The following NLGN1 variants were observed in gnomAD, a reference collection of about 807,000 sequenced individuals.
NLGN1 encodes neuroligin-1.
In NLGN1, 12 loss-of-function variants were observed where a neutral mutation model predicts 65.5. The ratio of observed to expected loss-of-function variants is 0.18; its 90% confidence interval spans 0.12 to 0.30. The LOEUF (loss-of-function observed/expected upper bound fraction) is 0.30, where lower values mean the gene tolerates loss of function less well. Ranked by LOEUF, NLGN1 falls within the 10% of genes least tolerant of loss-of-function variation. NLGN1 has a pLI of 1.00. For missense variants in NLGN1, 750 were observed against 1,007.1 expected, an observed-to-expected ratio of 0.74 and a Z score of 3.46; for synonymous variants, 350 against 359.5, an observed-to-expected ratio of 0.97 and a Z score of 0.30.
At chr3:174,152,942 C>A (rs893602446) in intron 4 of NLGN1, among the ~76,000 whole-genome samples, 5 of 152,090 alleles carry the variant, frequency 3.3e-5, no homozygotes, top group Non-Finnish European at 7.4e-5. Flanking sequence ...TCTTTACTAT[C>A]TTTTCATGCA....
chr3:173,878,994 A>T (rs1038065086), intron 4 of NLGN1, among the ~76,000 whole-genome samples: 5 of 152,052 alleles, frequency 3.3e-5, no homozygotes, highest in Non-Finnish European at 7.4e-5. Flanking sequence ...GCACTTTGGG[A>T]GGCCATAGCA....
chr3:174,026,300 AT>A (rs1728816268), intron 4 of NLGN1, among the ~76,000 whole-genome samples: 1 of 151,848 alleles, frequency 6.6e-6, no homozygotes, highest in South Asian at 2.1e-4. Context: ...TAATTTTTGT[AT>A]TTTTTGTAGA....
Position 173,929,097 on chromosome 3 carries a change from A to G in NLGN1, c.646+121265A>G, listed in dbSNP as rs182020955. ...TTAGTGAAATAGGTTCTATGTATCC[A>G]ATCCAAAGGTCTTATATCAACTGGA... On this transcript the variant is annotated intron_variant, in intron 4 of 6. Transcript: ENST00000457714. 1.4e-4 allele frequency among the ~76,000 whole-genome samples: 21 copies of G among 152,318 alleles called. No individual in the cohort carries two copies. In the East Asian group the frequency reaches 3.9e-3, roughly 28 times the overall value.
intron 4 of NLGN1, among the ~76,000 whole-genome samples, chr3:174,090,387 C>T (rs1392524374): frequency 2.0e-5 from 3 of 151,964 alleles, no homozygotes; most frequent in South Asian, 2.1e-4. Flanking sequence ...GCAGGAGAGT[C>T]GCTTGAACCT....
intron 4 of NLGN1, among the ~76,000 whole-genome samples, chr3:174,014,582 A>C (rs1366928203): frequency 6.6e-6 from 1 of 152,314 alleles, no homozygotes; most frequent in South Asian, 2.1e-4. Flanking sequence ...CACTCTTTGC[A>C]TGTATCTCAT....
intron 4 of NLGN1, among the ~76,000 whole-genome samples, chr3:173,825,574 T>C (rs746285402): frequency 3.6e-4 from 55 of 152,080 alleles, no homozygotes; most frequent in Non-Finnish European, 6.8e-4. Flanking sequence ...CATTGTGTTC[T>C]CCAAAGCTCA....
intron 4 of NLGN1, among the ~76,000 whole-genome samples, chr3:174,034,663 A>G (rs1210947486): frequency 8.5e-5 from 13 of 152,096 alleles, no homozygotes; most frequent in Admixed American, 8.5e-4. Flanking sequence ...TAAGCTAAAC[A>G]CTAATTTTTT....
chr3:173,934,118 T>C (rs1381500362), intron 4 of NLGN1, among the ~76,000 whole-genome samples: 1 of 151,456 alleles, frequency 6.6e-6, no homozygotes, highest in East Asian at 1.9e-4. Context: ...AATAACTACA[T>C]GTAAATGAAC....
intron 1 of NLGN1, among the ~76,000 whole-genome samples, chr3:173,404,356 G>A (rs962950882): frequency 2.0e-5 from 3 of 152,108 alleles, no homozygotes; most frequent in African/African-American, 4.8e-5. Flanking sequence ...ATGTTAGAAT[G>A]TGCCTTCTGA....
At chr3:173,588,088 A>G (rs1330185827) in intron 2 of NLGN1, among the ~76,000 whole-genome samples, 1 of 152,234 alleles carries the variant, frequency 6.6e-6, no homozygotes, top group African/African-American at 2.4e-5. Flanking sequence ...AATAAAAAAG[A>G]ACAAAAACCA....
intron 4 of NLGN1, among the ~76,000 whole-genome samples, chr3:174,190,722 A>T (rs1732237336): frequency 6.6e-6 from 1 of 152,112 alleles, no homozygotes; most frequent in Admixed American, 6.6e-5. Context: ...GTACTTATAC[A>T]TTATTTACTT....
exon 7 of NLGN1, chr3:174,283,935 GAATA>G (rs939454691): frequency 5.9e-5 from 9 of 151,270 alleles, no homozygotes; most frequent in African/African-American, 1.9e-4. Flanking sequence ...AGATATGAAT[GAATA>G]CTTTCATATG....
At chr3:174,254,825 T>G (rs1342052630) in intron 4 of NLGN1, among the ~76,000 whole-genome samples, 4 of 152,200 alleles carry the variant, frequency 2.6e-5, no homozygotes, top group Non-Finnish European at 5.9e-5. Context: ...TTTCTAGTTT[T>G]TGTAAACACA....
intron 4 of NLGN1, among the ~76,000 whole-genome samples, chr3:174,193,378 G>A (rs1027697164): frequency 1.3e-5 from 2 of 152,144 alleles, no homozygotes; most frequent in African/African-American, 4.8e-5. Flanking sequence ...CCAAAGTTGG[G>A]AGAGGGATTA....
chr3:174,066,564 C>CTCTGTGTGTGTGTG (rs1553925385), intron 4 of NLGN1, among the ~76,000 whole-genome samples: 2 of 100,100 alleles, frequency 2.0e-5, no homozygotes, highest in African/African-American at 8.2e-5. Context: ...CTCTCTCTCT[C>CTCTGTGTGTGTGTG]TGTGTGTGTG....
chr3:174,185,992 G>A (rs906133365), intron 4 of NLGN1, among the ~76,000 whole-genome samples: 2 of 151,966 alleles, frequency 1.3e-5, no homozygotes, highest in Non-Finnish European at 2.9e-5. Flanking sequence ...AGTTCCAAAT[G>A]TAAGCTTAGA....
rs940260037 is a variant in NLGN1 at position 173,832,335 on chromosome 3, T to A, written c.646+24503T>A. ...ACAAAATTTCTCATGTTTCTTCCAA[T>A]GCGTATCTACTATTCTATTATCACT... On this transcript the variant is annotated intron_variant, in intron 4 of 6. Transcript: ENST00000457714. Among the ~76,000 whole-genome samples the A allele has an allele frequency of 5.9e-5, 9 of 152,358 alleles. 1 individual carries two copies. The highest frequency in any genetic ancestry group is 1.3e-4 in the Admixed American group (2 of 15,308).
At chr3:173,724,726 A>G (rs1054726698) in intron 3 of NLGN1, among the ~76,000 whole-genome samples, 2 of 152,208 alleles carry the variant, frequency 1.3e-5, no homozygotes, top group Non-Finnish European at 2.9e-5. Flanking sequence ...ATAAAGACAC[A>G]TGCACACATA....
chr3:173,736,222 T>C (rs1400524032), intron 3 of NLGN1, among the ~76,000 whole-genome samples: 1 of 152,112 alleles, frequency 6.6e-6, no homozygotes, highest in African/African-American at 2.4e-5. Flanking sequence ...GCTTTCTACC[T>C]ACCTTCTTTT....
Sources: allele counts gnomAD v4.1 joint callset (sites outside exome capture counted in the v4.1 genomes callset), GRCh38; gene constraint gnomAD v4.1.1; transcripts MANE v1.5; gene names NCBI Gene and HGNC (gene_info 2026-07-23, HGNC 2026-07-21).